The following OTUD7B variants were observed in gnomAD, a reference collection of about 807,000 sequenced individuals.
OTUD7B encodes OTU domain-containing protein 7B.
Under a neutral mutation model 82.2 loss-of-function variants are expected in OTUD7B, and 34 were observed. The observed-to-expected ratio is 0.41, with a 90% CI of 0.31 to 0.55. The LOEUF (loss-of-function observed/expected upper bound fraction) is 0.55. Among genes scored for constraint, OTUD7B ranks in the 20% least tolerant of loss-of-function variants. The probability of loss-of-function intolerance (pLI) is 0.20; values close to 1 mark genes in which losing one functional copy is unlikely to be tolerated. For missense variants in OTUD7B, 944 were observed against 1,062.1 expected (o/e 0.89, Z 1.55); for synonymous variants, 398 against 402.7 (o/e 0.99, Z 0.14).
chr1:149,955,641 G>C (rs1160937497), intron 7 of OTUD7B, among the ~76,000 whole-genome samples: 1 of 151,932 alleles, frequency 6.6e-6, no homozygotes, highest in Non-Finnish European at 1.5e-5. Context: ...TGACAGTGGG[G>C]TGTTAAAGTC....
upstream of OTUD7B, among the ~76,000 whole-genome samples, chr1:150,012,083 G>A (rs966051274): frequency 5.9e-5 from 9 of 152,194 alleles, no homozygotes; most frequent in Non-Finnish European, 1.0e-4. Flanking sequence ...ATACAATAGA[G>A]GTTGACAAGT....
chr1:149,979,064 CTT>C (rs1479540026), intron 1 of OTUD7B, among the ~76,000 whole-genome samples: 2 of 150,104 alleles, frequency 1.3e-5, no homozygotes, highest in African/African-American at 2.5e-5. Context: ...ATTTTTCTCT[CTT>C]GTCCTGTTCT....
chr1:149,943,037 C>T lies in OTUD7B; in HGVS notation c.*820G>A, dbSNP rs1553770808. 1 of 152,540 alleles carries T rather than the reference C, an allele frequency of 6.6e-6. No homozygotes were observed. Among genetic ancestry groups the T allele is most frequent in the Non-Finnish European group, 1.5e-5 (1 of 68,030 alleles). 9.4% of individuals were successfully genotyped at this position (152,540 alleles called of 1,614,324 possible). On this transcript the variant is annotated 3_prime_UTR_variant, in exon 12 of 12. Transcript: ENST00000581312. ...TGGTTAAAAAATAGATCAGCTCTGC[C>T]CCAATTCACCTGGAGAAAATGCAAC...
chr1:150,060,522 A>G, the OTUD7B span, among the ~76,000 whole-genome samples: 16 of 152,214 alleles, frequency 1.1e-4, no homozygotes, highest in South Asian at 2.1e-4. Flanking sequence ...ATACGTTTCT[A>G]TTGTTTAAGC....
In OTUD7B at chr1:149,941,576, T is replaced by C. The variant is rs1397826757; in HGVS notation, c.*2281A>G. 1 of 152,166 alleles carries C rather than the reference T, an allele frequency of 6.6e-6. No homozygotes were observed. Among genetic ancestry groups the C allele is most frequent in the Non-Finnish European group, 1.5e-5 (1 of 68,024 alleles). 9.4% of individuals were successfully genotyped at this position (152,166 alleles called of 1,614,324 possible). ...AAAACCCAGTAACCAAGATAAATACTATTTTAATGCAACATTTTTAAAAAA... is the reference window on the plus strand; with the variant it reads ...AAAACCCAGTAACCAAGATAAATACCATTTTAATGCAACATTTTTAAAAAA... On this transcript the variant is annotated 3_prime_UTR_variant, in exon 12 of 12. Transcript: ENST00000581312.
chr1:149,968,321 TACATCAATA>T, intron 3 of OTUD7B, among the ~76,000 whole-genome samples: 1 of 151,760 alleles, frequency 6.6e-6, no homozygotes, highest in Non-Finnish European at 1.5e-5. Context: ...ACTTTCTTCC[TACATCAATA>T]ACATTAATTT....
At chr1:149,983,820 T>G (rs1650951804) in intron 1 of OTUD7B, among the ~76,000 whole-genome samples, 1 of 152,180 alleles carries the variant, frequency 6.6e-6, no homozygotes. Flanking sequence ...AGAAGCACAG[T>G]GGATTTAGGG....
chr1:150,046,888 T>C, the OTUD7B span, among the ~76,000 whole-genome samples: 1 of 151,948 alleles, frequency 6.6e-6, no homozygotes, highest in Non-Finnish European at 1.5e-5. Context: ...CTGGCTAACA[T>C]GGCGAAACCC....
intron 2 of OTUD7B, among the ~76,000 whole-genome samples, chr1:149,972,190 G>C (rs1649985709): frequency 6.6e-6 from 1 of 152,196 alleles, no homozygotes; most frequent in Non-Finnish European, 1.5e-5. Context: ...GATAGTAGCA[G>C]TGCCTACCTC....
intron 2 of OTUD7B, among the ~76,000 whole-genome samples, chr1:149,974,490 G>T (rs1195487502): frequency 6.7e-6 from 1 of 149,256 alleles, no homozygotes. Flanking sequence ...CCTCGTCATG[G>T]CCTACAAAGG....
the OTUD7B span, among the ~76,000 whole-genome samples, chr1:150,029,135 TGA>T: frequency 6.6e-6 from 1 of 152,216 alleles, no homozygotes; most frequent in Non-Finnish European, 1.5e-5. Flanking sequence ...GAATTGATGG[TGA>T]GTTAGGAAAT....
At chr1:149,945,373 G>A (rs1647639095) in intron 11 of OTUD7B, among the ~76,000 whole-genome samples, 1 of 152,158 alleles carries the variant, frequency 6.6e-6, no homozygotes, top group Non-Finnish European at 1.5e-5. Context: ...TCTGTAATAA[G>A]GAGATAGTAG....
intron 3 of OTUD7B, among the ~76,000 whole-genome samples, chr1:149,968,090 A>G (rs1553777002): frequency 6.6e-6 from 1 of 151,828 alleles, no homozygotes; most frequent in Non-Finnish European, 1.5e-5. Context: ...GTGGTGAAAC[A>G]CTGTCTCTAC....
the OTUD7B span, among the ~76,000 whole-genome samples, chr1:150,024,773 C>T: frequency 2.0e-5 from 3 of 152,288 alleles, no homozygotes; most frequent in South Asian, 4.1e-4. Flanking sequence ...ATTAGCCGGG[C>T]GTGGTGGCTC....
chr1:150,060,969 G>A, the OTUD7B span, among the ~76,000 whole-genome samples: 2 of 151,588 alleles, frequency 1.3e-5, no homozygotes, highest in Non-Finnish European at 2.9e-5. Flanking sequence ...CCCCCAGGCT[G>A]GACTGCAGTG....
chr1:149,974,031 AT>A (rs1306332234), intron 2 of OTUD7B, among the ~76,000 whole-genome samples: 3 of 150,974 alleles, frequency 2.0e-5, no homozygotes, highest in Admixed American at 1.3e-4. Flanking sequence ...CAAGTTTTCT[AT>A]TTTTTTAGTA....
At chr1:150,049,864 G>A in the OTUD7B span, among the ~76,000 whole-genome samples, 3 of 151,836 alleles carry the variant, frequency 2.0e-5, no homozygotes, top group East Asian at 3.9e-4. Context: ...ATGAACCACC[G>A]TGCCCAGCCC....
chr1:149,972,887 A>C (rs138572928), intron 2 of OTUD7B, among the ~76,000 whole-genome samples: 1 of 152,318 alleles, frequency 6.6e-6, no homozygotes, highest in African/African-American at 2.4e-5. Context: ...TTGAGTATCC[A>C]TCATTTTCCT....
intron 2 of OTUD7B, among the ~76,000 whole-genome samples, chr1:149,973,517 G>C (rs1650071125): frequency 6.6e-6 from 1 of 152,124 alleles, no homozygotes. Context: ...ATGGAGTCTT[G>C]CTGTGTCGCC....
Sources: allele counts gnomAD v4.1 joint callset (sites outside exome capture counted in the v4.1 genomes callset), GRCh38; gene constraint gnomAD v4.1.1; transcripts MANE v1.5; gene names NCBI Gene and HGNC (gene_info 2026-07-23, HGNC 2026-07-21).